Variants in RTTN observed in about 807,000 individuals in gnomAD.
The protein encoded by RTTN is rotatin.
Under a neutral mutation model 269.2 loss-of-function variants are expected in RTTN, and 182 were observed. The ratio of observed to expected loss-of-function variants is 0.68; its 90% CI spans 0.60 to 0.76. The LOEUF (loss-of-function observed/expected upper bound fraction) is 0.76. RTTN is among the 30% of genes least tolerant of loss of function. The probability of loss-of-function intolerance (pLI) is 0.00; values close to 1 mark genes in which losing one functional copy is unlikely to be tolerated. For missense variants in RTTN, 2,545 were observed against 2,608.6 expected (o/e 0.98, Z 0.53); for synonymous variants, 1,006 against 963.5 (o/e 1.04, Z -0.82).
intron 42 of RTTN, among the ~76,000 whole-genome samples, chr18:70,029,332 A>G (rs1001009405): frequency 2.6e-5 from 4 of 152,220 alleles, no homozygotes; most frequent in Non-Finnish European, 4.4e-5. Context: ...TTATATATTT[A>G]TACTATTCAC....
chr18:70,159,283 A>T (rs541917109), intron 14 of RTTN, among the ~76,000 whole-genome samples: 1 of 152,228 alleles, frequency 6.6e-6, no homozygotes, highest in Admixed American at 6.5e-5. Flanking sequence ...TACCAAGAAG[A>T]TCTCTCAAAA....
intron 28 of RTTN, among the ~76,000 whole-genome samples, chr18:70,103,878 C>T (rs1341381603): frequency 6.6e-6 from 1 of 151,996 alleles, no homozygotes; most frequent in East Asian, 1.9e-4. Context: ...GACGGGCTTC[C>T]CTTTGCGTGT....
rs1260772419 is a variant in RTTN, at chr18:70,188,183, T to C, written c.1230A>G (p.Thr410=). 6.2e-7 allele frequency: 1 copy of C among 1,611,604 alleles called. No individual in the cohort carries two copies. Among genetic ancestry groups the C allele is most frequent in the South Asian group, 1.1e-5 (1 of 90,870 alleles). The change falls in exon 10 of 49, where the codon ACA becomes ACG. Residue 410 remains threonine, a synonymous_variant. Transcript: ENST00000640769. ...CTTCACCAATAAGTGTCATATCCTCTGTAAGCAATTCCAGAACTCTTATTA... is the reference window on the plus strand; with the variant it reads ...CTTCACCAATAAGTGTCATATCCTCCGTAAGCAATTCCAGAACTCTTATTA... ...QVIIRVLELL[T]EDMTLIGEAI...
chr18:70,171,948 T>C (rs1263432739), intron 11 of RTTN, among the ~76,000 whole-genome samples: 1 of 152,196 alleles, frequency 6.6e-6, no homozygotes, highest in Non-Finnish European at 1.5e-5. Context: ...CATTAGATCT[T>C]TTTATATACC....
chr18:70,136,944 A>G (rs994917528), intron 21 of RTTN, among the ~76,000 whole-genome samples: 1 of 152,210 alleles, frequency 6.6e-6, no homozygotes, highest in African/African-American at 2.4e-5. Context: ...ATGAAATAAT[A>G]TAGAAAGATA....
Position 70,159,519 on chromosome 18 carries a change from A to T in RTTN, c.1929+6543T>A, listed in dbSNP as rs78102012. Reference sequence around the variant, plus strand: ...TTGCAAACTAACAACCTGACACCACACTTAGAGGAACTAGAAAAGCAGGAG... The same window carrying T: ...TTGCAAACTAACAACCTGACACCACTCTTAGAGGAACTAGAAAAGCAGGAG... On this transcript the variant is annotated intron_variant, in intron 14 of 48. Coordinates refer to ENST00000640769, the MANE Select transcript of RTTN (RefSeq NM_173630.4). 2.3e-3 allele frequency among the ~76,000 whole-genome samples: 353 copies of T among 152,246 alleles called. 1 individual carries two copies. Among genetic ancestry groups the T allele is most frequent in the African/African-American group, 8.2e-3 (339 of 41,540 alleles).
intron 28 of RTTN, among the ~76,000 whole-genome samples, chr18:70,105,352 C>G (rs1320846379): frequency 6.6e-6 from 1 of 152,186 alleles, no homozygotes; most frequent in African/African-American, 2.4e-5. Context: ...TGGAAAAGCA[C>G]AGTATTAGGG....
intron 14 of RTTN, among the ~76,000 whole-genome samples, chr18:70,151,540 A>G (rs1040849685): frequency 1.3e-5 from 2 of 152,166 alleles, no homozygotes; most frequent in African/African-American, 4.8e-5. Flanking sequence ...CAACAATTCA[A>G]AGGTCAAAAA....
At chr18:70,052,642 T>TTATATATA (rs1327265663) in intron 38 of RTTN, among the ~76,000 whole-genome samples, 4,042 of 145,850 alleles carry the variant, frequency 0.028, 151 homozygotes, top group African/African-American at 0.083. Flanking sequence ...ATTTATTTAC[T>TTATATATA]TATATATATA....
chr18:70,167,465 G>A lies in RTTN; in HGVS notation c.1690-434C>T, dbSNP rs535009143. Among the ~76,000 whole-genome samples, 601 of 152,292 alleles carry A rather than the reference G, an allele frequency of 3.9e-3. 4 individuals carry two copies. Among genetic ancestry groups the A allele is most frequent in the Middle Eastern group, 0.014 (4 of 294 alleles). ...AAATGCCACAGAGGCCAGACCCAGT[G>A]GCTCCCAGCACTTCGGGAGGCCGAG... On this transcript the variant is annotated intron_variant, in intron 12 of 48. Transcript: ENST00000640769.
At chr18:70,204,301 T>C (rs745936630) in intron 2 of RTTN, 38 bp from the exon 3 acceptor site, 1 of 1,541,004 alleles carries the variant, frequency 6.5e-7, no homozygotes, top group South Asian at 1.2e-5. Flanking sequence ...AATAACTGTA[T>C]CAAAATCTCT....
intron 11 of RTTN, among the ~76,000 whole-genome samples, chr18:70,175,045 CAAA>C (rs5825998): frequency 1.2e-5 from 1 of 86,858 alleles, no homozygotes; most frequent in Non-Finnish European, 2.1e-5. Context: ...AAACCAAAAC[CAAA>C]AAAAAAAAAA....
chr18:70,122,905 T>A (rs1348828397), intron 25 of RTTN, among the ~76,000 whole-genome samples: 1 of 152,174 alleles, frequency 6.6e-6, no homozygotes. Context: ...CATTAAAATA[T>A]CACCTCTGTA....
chr18:70,114,505 T>C lies in RTTN; in HGVS notation c.3623A>G (p.Gln1208Arg), dbSNP rs2059554123. Residue 1208 changes from glutamine (Q) to arginine (R), a missense_variant, in exon 27 of 49, where the codon CAG (glutamine) becomes CGG (arginine). Physicochemically the swap from Gln to Arg is conservative, Grantham distance 43. Transcript: ENST00000640769. ...DIRTAVRQQL[Q>R]KELIALFDTL... ...ATCAAAAAGAGCAATCAGTTCTTTC[T>C]GAAGTTGTTGCCTGACAGCAGTCCG... The C allele has an allele frequency of 6.2e-7, 1 of 1,613,580 alleles. No individual in the cohort carries two copies. The highest frequency in any genetic ancestry group is 1.7e-5 in the Admixed American group (1 of 59,994).
Position 70,188,842 on chromosome 18 carries a change from G to A in RTTN, c.1190-619C>T, listed in dbSNP as rs145037750. On this transcript the variant is annotated intron_variant, in intron 9 of 48. Transcript: ENST00000640769. Reference sequence around the variant, plus strand: ...CCACTTCCATTATCCTGTGTGAGACGAACATTCACACGAGACTTTCCCACC... The same window carrying A: ...CCACTTCCATTATCCTGTGTGAGACAAACATTCACACGAGACTTTCCCACC... Among the ~76,000 whole-genome samples, 783 of 143,614 alleles carry A rather than the reference G, an allele frequency of 5.5e-3. 2 individuals are homozygous for A. The highest frequency in any genetic ancestry group is 9.1e-3 in the Admixed American group (123 of 13,566). 94.2% of individuals were successfully genotyped at this position (143,614 alleles called of 152,430 possible).
chr18:70,204,210 A>T lies in RTTN; in HGVS notation c.273T>A (p.Ser91=). 6.2e-7 allele frequency: 1 copy of T among 1,614,142 alleles called. No homozygotes were observed. The highest frequency in any genetic ancestry group is 8.5e-7 in the Non-Finnish European group (1 of 1,179,998). ...TTGGCTCCACATTAGACCGAAGCTT[A>T]GATAAGAACTCTACTGCACCAACGT... ...LVDVGAVEFL[S]KLRSNVEPNL... Residue 91 remains serine, a synonymous_variant, in exon 3 of 49, where the codon TCT becomes TCA. Transcript: ENST00000640769.
At chr18:70,019,490 A>C (rs2056639717) in intron 45 of RTTN, 1 of 152,240 alleles carries the variant, frequency 6.6e-6, no homozygotes, top group South Asian at 2.1e-4. Flanking sequence ...AAATATATTC[A>C]AATATATATA....
chr18:70,115,190 T>A (rs2059573298), intron 26 of RTTN, among the ~76,000 whole-genome samples: 1 of 152,006 alleles, frequency 6.6e-6, no homozygotes, highest in African/African-American at 2.4e-5. Flanking sequence ...ATTATAGTAG[T>A]TTTAATTTTT....
chr18:70,023,314 T>C (rs1273132425), intron 44 of RTTN, among the ~76,000 whole-genome samples: 1 of 152,152 alleles, frequency 6.6e-6, no homozygotes, highest in Non-Finnish European at 1.5e-5. Flanking sequence ...GATGCTAAAT[T>C]TTAGAGTAAT....
Sources: gnomAD v4.1 joint callset for allele counts (sites outside exome capture counted in the v4.1 genomes callset) on GRCh38, gnomAD v4.1.1 for gene constraint, MANE v1.5 for transcripts, NCBI Gene and HGNC (gene_info 2026-07-23, HGNC 2026-07-21) for gene names.